Variants in SLC16A7 observed in about 807,000 individuals in gnomAD.
The protein encoded by SLC16A7 is monocarboxylate transporter 2.
In SLC16A7, 33 loss-of-function variants were observed where a neutral mutation model predicts 34.9. The observed-to-expected ratio is 0.94, with a 90% CI of 0.72 to 1.26. SLC16A7 has a LOEUF of 1.26. Among genes scored for constraint, SLC16A7 ranks in the 50% most tolerant of loss-of-function variants. The probability of loss-of-function intolerance (pLI) is 0.00; values close to 1 mark genes in which losing one functional copy is unlikely to be tolerated. For synonymous variants in SLC16A7, 201 were observed against 206.6 expected (o/e 0.97, Z 0.23); for missense variants, 573 against 578.1 (o/e 0.99, Z 0.09).
intron 3 of SLC16A7, 71 bp downstream of exon 3, chr12:59,705,089 G>A (rs1266177696): frequency 9.5e-7 from 1 of 1,056,446 alleles, no homozygotes; most frequent in African/African-American, 1.6e-5. Context: ...GTTTTACATG[G>A]AGTGTCTTGG....
intron 3 of SLC16A7, among the ~76,000 whole-genome samples, chr12:59,770,551 T>C (rs934615755): frequency 6.6e-6 from 1 of 152,154 alleles, no homozygotes; most frequent in Non-Finnish European, 1.5e-5. Flanking sequence ...CATTGTCCAA[T>C]CAAGCCACAG....
At chr12:59,765,819 C>A (rs1322684579) in intron 3 of SLC16A7, among the ~76,000 whole-genome samples, 2 of 152,248 alleles carry the variant, frequency 1.3e-5, no homozygotes, top group African/African-American at 4.8e-5. Flanking sequence ...AATGCGGGCT[C>A]TTTTTTCGTT....
At chr12:59,745,096 C>T (rs2137299540) in intron 3 of SLC16A7, among the ~76,000 whole-genome samples, 1 of 152,196 alleles carries the variant, frequency 6.6e-6, no homozygotes, top group Non-Finnish European at 1.5e-5. Context: ...TATTTACACC[C>T]CTCCCCTCAT....
chr12:59,671,985 A>G (rs181759716), intron 2 of SLC16A7, among the ~76,000 whole-genome samples: 2 of 39,750 alleles, frequency 5.0e-5, no homozygotes, highest in Non-Finnish European at 8.4e-5. Flanking sequence ...ATATATCCGT[A>G]TATATATGTG....
At position 59,762,334 on chromosome 12, in the gene SLC16A7, G is replaced by A. The variant is rs61933838; in HGVS notation, c.218-8885G>A. Among the ~76,000 whole-genome samples, 5 of 151,848 alleles carry A rather than the reference G, an allele frequency of 3.3e-5. 1 individual carries two copies. Among genetic ancestry groups the A allele is most frequent in the Admixed American group, 2.0e-4 (3 of 15,230 alleles). The stretch of plus-strand genomic sequence containing the variant: ...ATTGTTTCATTCTAGCTTGAATATC[G>A]AAATGGAATGTGTTACGATAAATTC... On this transcript the variant is annotated intron_variant, in intron 3 of 5. Coordinates refer to ENST00000547379, the MANE Select transcript of SLC16A7 (RefSeq NM_001270623.2).
chr12:59,687,243 A>G (rs1871233659), intron 2 of SLC16A7, among the ~76,000 whole-genome samples: 1 of 151,870 alleles, frequency 6.6e-6, no homozygotes. Flanking sequence ...ATATCTTTCA[A>G]TCCTGCAAGT....
chr12:59,662,273 C>T (rs1868895249), intron 2 of SLC16A7, among the ~76,000 whole-genome samples: 1 of 152,010 alleles, frequency 6.6e-6, no homozygotes, highest in African/African-American at 2.4e-5. Context: ...GTGTAAAATG[C>T]TTAGTGAAAC....
intron 3 of SLC16A7, among the ~76,000 whole-genome samples, chr12:59,770,903 A>T (rs1882158088): frequency 6.6e-6 from 1 of 152,136 alleles, no homozygotes; most frequent in African/African-American, 2.4e-5. Context: ...ATCTTTTAAG[A>T]TGTTTTGGAT....
chr12:59,666,814 T>C (rs969609265), intron 2 of SLC16A7, among the ~76,000 whole-genome samples: 15 of 152,082 alleles, frequency 9.9e-5, no homozygotes, highest in African/African-American at 3.6e-4. Context: ...ATATAGCAAA[T>C]TGGTGCTGAA....
At chr12:59,738,395 C>A (rs913257558) in intron 3 of SLC16A7, among the ~76,000 whole-genome samples, 1 of 152,128 alleles carries the variant, frequency 6.6e-6, no homozygotes, top group African/African-American at 2.4e-5. Flanking sequence ...AAACTTGTTT[C>A]CATATCAAAC....
At chr12:59,670,722 C>T (rs1270940342) in intron 2 of SLC16A7, among the ~76,000 whole-genome samples, 1 of 152,160 alleles carries the variant, frequency 6.6e-6, no homozygotes, top group Non-Finnish European at 1.5e-5. Context: ...TCTAAATTCA[C>T]TGGTCTAAAA....
In SLC16A7 at chr12:59,675,461, C is replaced by G. The variant is rs571861473; in HGVS notation, c.-31+20211C>G. Reference sequence around the variant, plus strand: ...CAACCTCACCTGACCATGTGGCACTCAGATATCAGACTTGCAGCCTCCGGA... The same window carrying G: ...CAACCTCACCTGACCATGTGGCACTGAGATATCAGACTTGCAGCCTCCGGA... On this transcript the variant is annotated intron_variant, in intron 2 of 5. Coordinates refer to ENST00000547379, the MANE Select transcript of SLC16A7 (RefSeq NM_001270623.2). 6.6e-5 allele frequency among the ~76,000 whole-genome samples: 10 copies of G among 151,506 alleles called. No individual in the cohort carries two copies. The South Asian group carries it at 1.9e-3, about 28-fold the overall frequency.
intron 3 of SLC16A7, among the ~76,000 whole-genome samples, chr12:59,757,251 TATA>T (rs1440239636): frequency 6.7e-6 from 1 of 148,824 alleles, no homozygotes; most frequent in African/African-American, 2.5e-5. Context: ...AAACTTAAAG[TATA>T]ATAATAATAA....
intron 3 of SLC16A7, among the ~76,000 whole-genome samples, chr12:59,723,614 C>T (rs1355513458): frequency 6.6e-6 from 1 of 151,910 alleles, no homozygotes; most frequent in East Asian, 1.9e-4. Context: ...AAAGAAACAG[C>T]ATTTTAGTAT....
Position 59,628,137 on chromosome 12 carries a change from C to G in SLC16A7, c.-129-27015C>G, listed in dbSNP as rs982278914. Among the ~76,000 whole-genome samples, 143 of 151,762 alleles carry G rather than the reference C, an allele frequency of 9.4e-4. 1 individual carries two copies. The highest frequency in any genetic ancestry group is 4.9e-4 in the Non-Finnish European group (33 of 67,824). On this transcript the variant is annotated intron_variant, in intron 1 of 5. Transcript: ENST00000547379. ...ACCTGAACTATTCCATAGCTCCTCT[C>G]TTTACTTTTTTATAATTCTTCACAT...
At chr12:59,766,125 GCTCT>G (rs1374487687) in intron 3 of SLC16A7, among the ~76,000 whole-genome samples, 7 of 152,010 alleles carry the variant, frequency 4.6e-5, no homozygotes, top group Admixed American at 3.3e-4. Flanking sequence ...TCATGATTTA[GCTCT>G]CTGTTTGTTA....
intron 3 of SLC16A7, chr12:59,735,904 A>G: frequency 8.2e-7 from 1 of 1,225,638 alleles, no homozygotes; most frequent in Non-Finnish European, 1.1e-6. Context: ...CCCCTAACAG[A>G]TATAAATTCT....
At chr12:59,708,986 C>A (rs1873911709) in intron 3 of SLC16A7, among the ~76,000 whole-genome samples, 1 of 151,374 alleles carries the variant, frequency 6.6e-6, no homozygotes, top group Non-Finnish European at 1.5e-5. Flanking sequence ...TGTGGTCACC[C>A]CATTAATAAA....
At chr12:59,712,772 GCAAT>G (rs1178763726) in intron 3 of SLC16A7, among the ~76,000 whole-genome samples, 3 of 152,168 alleles carry the variant, frequency 2.0e-5, no homozygotes, top group South Asian at 2.1e-4. Flanking sequence ...CCCCACTGGA[GCAAT>G]CAGTTTTGTC....
Sources: allele counts gnomAD v4.1 joint callset (sites outside exome capture counted in the v4.1 genomes callset), GRCh38; gene constraint gnomAD v4.1.1; transcripts MANE v1.5; gene names NCBI Gene and HGNC (gene_info 2026-07-23, HGNC 2026-07-21).